Variants in KDM4B observed in about 807,000 individuals in gnomAD.
The protein encoded by KDM4B is lysine-specific demethylase 4B.
Under a neutral mutation model 125.2 loss-of-function variants are expected in KDM4B, and 32 were observed. The ratio of observed to expected loss-of-function variants is 0.26; its 90% CI spans 0.19 to 0.34. The LOEUF (loss-of-function observed/expected upper bound fraction) is 0.34, where lower values mean the gene tolerates loss of function less well. Among genes scored for constraint, KDM4B ranks in the 10% least tolerant of loss-of-function variants. KDM4B has a pLI of 1.00. For synonymous variants in KDM4B, 721 were observed against 677.9 expected, an observed-to-expected ratio of 1.06 and a Z score of -0.99; for missense variants, 1,190 against 1,577.7, an observed-to-expected ratio of 0.75 and a Z score of 4.16.
Position 5,110,610 on chromosome 19 carries a change from C to G in KDM4B, c.919-12C>G. On this transcript the variant is annotated splice_polypyrimidine_tract_variant and intron_variant, in intron 9 of 22. Coordinates refer to ENST00000159111, the MANE Select transcript of KDM4B (RefSeq NM_015015.3). Reference sequence around the variant, plus strand: ...TGTGGCGCGAGGGCTCAGACCGTGTCCCCTGCCGCAGTGCACGTGCCGGAA... The same window carrying G: ...TGTGGCGCGAGGGCTCAGACCGTGTGCCCTGCCGCAGTGCACGTGCCGGAA... The G allele has an allele frequency of 6.2e-7, 1 of 1,612,654 alleles. No homozygotes were observed. Among genetic ancestry groups the G allele is most frequent in the Non-Finnish European group, 8.5e-7 (1 of 1,179,752 alleles).
chr19:5,121,602 A>G (rs185113642), intron 11 of KDM4B, among the ~76,000 whole-genome samples: 4 of 152,334 alleles, frequency 2.6e-5, no homozygotes, highest in Admixed American at 1.3e-4. Flanking sequence ...GCTAGCAACC[A>G]GAAATAATGG....
At chr19:5,150,082 G>A (rs1337170724) in intron 21 of KDM4B, among the ~76,000 whole-genome samples, 1 of 152,224 alleles carries the variant, frequency 6.6e-6, no homozygotes, top group Non-Finnish European at 1.5e-5. Flanking sequence ...AGGGGTGAGT[G>A]TTCTGTCTCC....
At chr19:5,071,218 A>G (rs1288549872) in intron 7 of KDM4B, among the ~76,000 whole-genome samples, 159 bp downstream of exon 7, 2 of 151,718 alleles carry the variant, frequency 1.3e-5, no homozygotes, top group Non-Finnish European at 2.9e-5. Context: ...GATTTTTTCC[A>G]TTTCCTCCCA....
At chr19:5,138,452 T>G in intron 18 of KDM4B, 1 of 206,446 alleles carries the variant, frequency 4.8e-6, no homozygotes, top group Non-Finnish European at 9.9e-6. Context: ...CTAATAATTA[T>G]AACAAGCCTG....
Position 5,142,380 on chromosome 19 carries a change from C to T in KDM4B, c.2551-1587C>T, listed in dbSNP as rs1177435340. On this transcript the variant is annotated intron_variant, in intron 18 of 22. Coordinates refer to ENST00000159111, the MANE Select transcript of KDM4B (RefSeq NM_015015.3). This position sits in a 1 kb window ranked among gnomAD's most constrained non-coding sequence, Gnocchi z 5.4. ...CACAGCGCGTGGCGTGACTGGACCT[C>T]GCCTTAGTAGGGGTGGCTCTGGGCA... Among the ~76,000 whole-genome samples the T allele has an allele frequency of 2.6e-5, 4 of 152,230 alleles. No homozygotes were observed. The highest frequency in any genetic ancestry group is 6.5e-5 in the Admixed American group (1 of 15,294).
chr19:5,103,824 G>A (rs563509591), intron 9 of KDM4B, among the ~76,000 whole-genome samples: 8 of 152,360 alleles, frequency 5.3e-5, no homozygotes, highest in South Asian at 2.1e-4. Flanking sequence ...TGTGAGGCTC[G>A]CTCCACACCC....
intron 1 of KDM4B, among the ~76,000 whole-genome samples, chr19:4,974,007 G>A (rs969741031): frequency 1.3e-5 from 2 of 152,024 alleles, no homozygotes; most frequent in Non-Finnish European, 2.9e-5. Context: ...GTGCACACCT[G>A]TAGTCCCAGC....
At chr19:5,054,830 C>T (rs2037346296) in intron 6 of KDM4B, among the ~76,000 whole-genome samples, 1 of 152,240 alleles carries the variant, frequency 6.6e-6, no homozygotes, top group Admixed American at 6.5e-5. Context: ...TGGTCCCCTC[C>T]CCAGCCCTCA....
chr19:4,987,663 TG>T (rs1442896314), intron 1 of KDM4B, among the ~76,000 whole-genome samples: 1 of 152,200 alleles, frequency 6.6e-6, no homozygotes, highest in African/African-American at 2.4e-5. Flanking sequence ...GGGATGGCAA[TG>T]CTTCTGCTGT....
chr19:5,050,201 C>T (rs1158764162), intron 6 of KDM4B, among the ~76,000 whole-genome samples: 1 of 152,240 alleles, frequency 6.6e-6, no homozygotes, highest in Non-Finnish European at 1.5e-5. Context: ...TTAAAGCTTT[C>T]TGGGTCTGTT....
At chr19:5,106,718 A>G (rs1017689429) in intron 9 of KDM4B, among the ~76,000 whole-genome samples, 4 of 152,180 alleles carry the variant, frequency 2.6e-5, no homozygotes, top group African/African-American at 4.8e-5. Flanking sequence ...TGACATGAGC[A>G]CTGTCCAAGA....
intron 9 of KDM4B, among the ~76,000 whole-genome samples, chr19:5,105,166 C>T (rs554961363): frequency 1.3e-5 from 2 of 152,314 alleles, no homozygotes; most frequent in East Asian, 1.9e-4. Flanking sequence ...GGACCCAGAG[C>T]GGGGCAGAGC....
intron 9 of KDM4B, among the ~76,000 whole-genome samples, chr19:5,090,159 G>A (rs2038643824): frequency 1.3e-5 from 2 of 152,174 alleles, no homozygotes; most frequent in South Asian, 4.1e-4. Flanking sequence ...CGCCTGCCGT[G>A]TGCAGGGGAG....
chr19:4,995,055 C>G (rs1357211832), intron 1 of KDM4B, among the ~76,000 whole-genome samples: 3 of 152,140 alleles, frequency 2.0e-5, no homozygotes, highest in African/African-American at 7.2e-5. Context: ...TGAATGGTGC[C>G]TCTTCTTTTG....
chr19:5,083,310 C>T (rs903763163), intron 9 of KDM4B, among the ~76,000 whole-genome samples: 7 of 152,182 alleles, frequency 4.6e-5, no homozygotes, highest in African/African-American at 7.2e-5. Flanking sequence ...ACGGGTGGGA[C>T]GGGGTCGCCT....
chr19:5,016,012 C>G (rs2035882078), intron 1 of KDM4B, among the ~76,000 whole-genome samples: 3 of 152,210 alleles, frequency 2.0e-5, no homozygotes, highest in African/African-American at 7.2e-5. Flanking sequence ...TTCACGGATA[C>G]TCCCGCTGCC....
Position 5,119,823 on chromosome 19 carries a change from C to T in KDM4B, c.1286C>T (p.Pro429Leu). 1 of 1,544,532 alleles carries T rather than the reference C, an allele frequency of 6.5e-7. No individual in the cohort carries two copies. The highest frequency in any genetic ancestry group is 8.7e-7 in the Non-Finnish European group (1 of 1,145,038). Residue 429 changes from proline (P) to leucine (L), a missense_variant, in exon 11 of 23, where the codon CCA becomes CTA. Pro to Leu is a moderately conservative substitution (Grantham distance 98). Coordinates refer to ENST00000159111, the MANE Select transcript of KDM4B (RefSeq NM_015015.3). Reference sequence around the variant, plus strand: ...GAGGAGGAGGAGCCGCAGCCACTGCCACACGGCCGGGAGGCCGAGGGCGCA... The same window carrying T: ...GAGGAGGAGGAGCCGCAGCCACTGCTACACGGCCGGGAGGCCGAGGGCGCA... ...EEEEEEPQPL[P>L]HGREAEGAEE... is the part of the protein sequence containing the mutation.
At chr19:5,110,924 A>C in intron 10 of KDM4B, 106 bp downstream of exon 10, 3 of 862,462 alleles carry the variant, frequency 3.5e-6, no homozygotes, top group East Asian at 2.8e-5. Flanking sequence ...GCCGTGTCCC[A>C]CTCCTCCCTT....
chr19:5,073,302 G>T (rs1160451337), intron 7 of KDM4B, among the ~76,000 whole-genome samples: 1 of 152,258 alleles, frequency 6.6e-6, no homozygotes, highest in Non-Finnish European at 1.5e-5. Context: ...CCACACCTCT[G>T]TCGTCCACAC....
Sources: allele counts gnomAD v4.1 joint callset (sites outside exome capture counted in the v4.1 genomes callset), GRCh38; gene constraint gnomAD v4.1.1; non-coding constraint Gnocchi (gnomAD v3.1); transcripts MANE v1.5; gene names NCBI Gene and HGNC (gene_info 2026-07-23, HGNC 2026-07-21).